NKAIN2: variants seen among roughly 807,000 people sequenced by gnomAD.
The protein encoded by NKAIN2 is sodium/potassium transporting ATPase interacting 2.
NKAIN2 carries 14 observed loss-of-function variants against 32.6 expected under a neutral mutation model. The observed-to-expected ratio is 0.43, with a 90% CI of 0.28 to 0.67. The LOEUF (loss-of-function observed/expected upper bound fraction) is 0.67. NKAIN2 is among the 30% of genes least tolerant of loss of function. NKAIN2 has a pLI of 0.17. For missense variants in NKAIN2, 198 were observed against 258.3 expected (o/e 0.77, Z 1.60); for synonymous variants, 80 against 87.2 (o/e 0.92, Z 0.46).
intron 1 of NKAIN2, among the ~76,000 whole-genome samples, chr6:124,158,343 C>T (rs1788092021): frequency 1.3e-5 from 2 of 152,148 alleles, no homozygotes; most frequent in South Asian, 4.1e-4. Context: ...TGTGAAGGCC[C>T]TGTCTCTGAA....
At chr6:124,710,136 C>A (rs533508106) in intron 4 of NKAIN2, among the ~76,000 whole-genome samples, 1 of 151,068 alleles carries the variant, frequency 6.6e-6, no homozygotes. Context: ...TGTAGTTGAG[C>A]GGTTTTGAGT....
chr6:124,347,072 T>C (rs1344692487), intron 2 of NKAIN2, among the ~76,000 whole-genome samples: 1 of 151,032 alleles, frequency 6.6e-6, no homozygotes, highest in Non-Finnish European at 1.5e-5. Flanking sequence ...TGTAAAGTAT[T>C]TTATTTCTCC....
At chr6:124,761,290 G>A (rs1488085575) in intron 4 of NKAIN2, among the ~76,000 whole-genome samples, 1 of 152,192 alleles carries the variant, frequency 6.6e-6, no homozygotes, top group Non-Finnish European at 1.5e-5. Flanking sequence ...ATGGTGCGGG[G>A]AGGCTAGTTA....
intron 3 of NKAIN2, among the ~76,000 whole-genome samples, chr6:124,464,912 A>G (rs190535311): frequency 2.4e-4 from 37 of 152,148 alleles, no homozygotes; most frequent in Middle Eastern, 3.4e-3. Flanking sequence ...AAGAAAGTCA[A>G]TGGTAGCTTC....
chr6:124,639,346 GA>G, intron 3 of NKAIN2, among the ~76,000 whole-genome samples: 1 of 152,172 alleles, frequency 6.6e-6, no homozygotes, highest in East Asian at 1.9e-4. Flanking sequence ...TAATAGATAA[GA>G]AAATACGGTG....
Position 124,162,660 on chromosome 6 carries a change from C to G in NKAIN2, c.55-120345C>G, listed in dbSNP as rs536997420. 2.0e-5 allele frequency among the ~76,000 whole-genome samples: 3 copies of G among 152,132 alleles called. No homozygotes were observed. In the East Asian group the frequency reaches 5.8e-4, roughly 29 times the overall value. On this transcript the variant is annotated intron_variant, in intron 1 of 6. Coordinates refer to ENST00000368417, the MANE Select transcript of NKAIN2 (RefSeq NM_001040214.3). ...AATGTTGATCACAAACTCAAACTGCCATAAGACAGGTCACATAAAAGAGAG... is the reference window on the plus strand; with the variant it reads ...AATGTTGATCACAAACTCAAACTGCGATAAGACAGGTCACATAAAAGAGAG...
chr6:123,850,238 C>A (rs1378549793), intron 1 of NKAIN2, among the ~76,000 whole-genome samples: 5 of 151,076 alleles, frequency 3.3e-5, no homozygotes, highest in Non-Finnish European at 7.4e-5. Flanking sequence ...ATTGAGGAAC[C>A]CCAAATTAGC....
At chr6:123,824,815 C>G (rs772655574) in intron 1 of NKAIN2, among the ~76,000 whole-genome samples, 1 of 151,944 alleles carries the variant, frequency 6.6e-6, no homozygotes, top group Admixed American at 6.6e-5. Context: ...GATCAGGGCT[C>G]CCTGTTTGGA....
intron 1 of NKAIN2, among the ~76,000 whole-genome samples, chr6:123,966,132 A>T (rs1203393519): frequency 6.6e-6 from 1 of 152,312 alleles, no homozygotes; most frequent in South Asian, 2.1e-4. Flanking sequence ...TGGAACTGCC[A>T]GGACGATGGT....
At chr6:124,786,712 G>A (rs1195092384) in intron 4 of NKAIN2, among the ~76,000 whole-genome samples, 1 of 152,094 alleles carries the variant, frequency 6.6e-6, no homozygotes, top group East Asian at 1.9e-4. Context: ...ACTTAGCTCT[G>A]CTTTGAATGA....
chr6:124,075,215 A>G (rs531874934), intron 1 of NKAIN2, among the ~76,000 whole-genome samples: 34 of 152,272 alleles, frequency 2.2e-4, no homozygotes, highest in Non-Finnish European at 5.9e-5. Flanking sequence ...ATTAGTTAAA[A>G]CATGAGTAAA....
At chr6:124,235,360 C>A (rs1792694882) in intron 1 of NKAIN2, among the ~76,000 whole-genome samples, 1 of 151,964 alleles carries the variant, frequency 6.6e-6, no homozygotes, top group South Asian at 2.1e-4. Flanking sequence ...TGGTATACAT[C>A]CTATTTATTG....
intron 4 of NKAIN2, among the ~76,000 whole-genome samples, chr6:124,785,406 G>T (rs1779453867): frequency 6.6e-6 from 1 of 152,120 alleles, no homozygotes; most frequent in Non-Finnish European, 1.5e-5. Context: ...GGTTACATTG[G>T]CTGTCTTTTC....
At chr6:123,842,674 G>T (rs1042591789) in intron 1 of NKAIN2, among the ~76,000 whole-genome samples, 23 of 147,970 alleles carry the variant, frequency 1.6e-4, no homozygotes, top group Admixed American at 2.7e-4. Flanking sequence ...CTATGTTTTT[G>T]TTTTTTTTTT....
intron 1 of NKAIN2, among the ~76,000 whole-genome samples, chr6:123,971,433 C>T (rs1562284548): frequency 6.6e-6 from 1 of 152,040 alleles, no homozygotes; most frequent in Non-Finnish European, 1.5e-5. Context: ...TTTTTGCACA[C>T]ATACTGCTTT....
chr6:124,124,342 A>G (rs1413328092), intron 1 of NKAIN2, among the ~76,000 whole-genome samples: 1 of 135,630 alleles, frequency 7.4e-6, no homozygotes, highest in Non-Finnish European at 1.6e-5. Flanking sequence ...CATGAAGAGT[A>G]TATAAATTAT....
intron 3 of NKAIN2, among the ~76,000 whole-genome samples, chr6:124,407,191 G>A (rs1021380566): frequency 6.6e-6 from 1 of 151,834 alleles, no homozygotes; most frequent in Non-Finnish European, 1.5e-5. Flanking sequence ...TTTATTCTGA[G>A]CTAGTTTATT....
rs542463276 is a variant in NKAIN2 at position 123,962,642 on chromosome 6, A to T, written c.54+158388A>T. 1.3e-5 allele frequency among the ~76,000 whole-genome samples: 2 copies of T among 152,210 alleles called. 1 individual carries two copies. The highest frequency in any genetic ancestry group is 4.1e-4 in the South Asian group (2 of 4,820). On this transcript the variant is annotated intron_variant, in intron 1 of 6. Transcript: ENST00000368417. ...GTGTAAGGAAAATTGCACTTTAGTCATGAGTAGGCTGAGGCAGCCTTCCAG... is the reference window on the plus strand; with the variant it reads ...GTGTAAGGAAAATTGCACTTTAGTCTTGAGTAGGCTGAGGCAGCCTTCCAG...
At position 124,759,650 on chromosome 6, in the gene NKAIN2, CACACA is replaced by C. The variant is rs1222598170; in HGVS notation, c.475-31688_475-31684del. 8.1e-4 allele frequency among the ~76,000 whole-genome samples: 75 copies of C among 92,568 alleles called. 2 individuals are homozygous for C. Among genetic ancestry groups the C allele is most frequent in the South Asian group, 2.9e-3 (7 of 2,388 alleles). 60.7% of individuals were successfully genotyped at this position (92,568 alleles called of 152,430 possible). The stretch of plus-strand genomic sequence containing the variant: ...ACACACACACACACACACACACACA[CACACA>C]CCCCCTATCTCCCTTTCCTGCCTTA... On this transcript the variant is annotated intron_variant, in intron 4 of 6. Coordinates refer to ENST00000368417, the MANE Select transcript of NKAIN2 (RefSeq NM_001040214.3).
Sources: gnomAD v4.1 joint callset for allele counts (sites outside exome capture counted in the v4.1 genomes callset) on GRCh38, gnomAD v4.1.1 for gene constraint, MANE v1.5 for transcripts, NCBI Gene and HGNC (gene_info 2026-07-23, HGNC 2026-07-21) for gene names.